Variants in CACNA1E observed in about 807,000 individuals in gnomAD.
CACNA1E encodes the protein voltage-dependent R-type calcium channel subunit alpha-1E.
CACNA1E carries 40 observed loss-of-function variants against 259.2 expected under a neutral mutation model. The ratio of observed to expected loss-of-function variants is 0.15; its 90% confidence interval spans 0.12 to 0.20. The LOEUF is 0.20. Ranked by LOEUF, CACNA1E falls within the 10% of genes least tolerant of loss-of-function variation. CACNA1E has a pLI of 1.00. For synonymous variants in CACNA1E, 1,104 were observed against 1,138.5 expected (o/e 0.97, Z 0.61); for missense variants, 1,874 against 3,040.1 (o/e 0.62, Z 9.02).
intron 3 of CACNA1E, among the ~76,000 whole-genome samples, chr1:181,556,050 T>C (rs1320096576): frequency 2.0e-5 from 3 of 152,248 alleles, no homozygotes; most frequent in Admixed American, 1.3e-4. Flanking sequence ...TCTCTAGCTA[T>C]TGTCACCTCC....
intron 1 of CACNA1E, among the ~76,000 whole-genome samples, chr1:181,488,380 T>C (rs1187292245): frequency 6.6e-6 from 1 of 152,218 alleles, no homozygotes; most frequent in Admixed American, 6.5e-5. Flanking sequence ...GCAGAGGGGT[T>C]CATATCTTCT....
chr1:181,367,050 T>C (rs1654325030), intron 1 of CACNA1E, among the ~76,000 whole-genome samples: 1 of 152,200 alleles, frequency 6.6e-6, no homozygotes, highest in South Asian at 2.1e-4. Context: ...CTTTGGGAGC[T>C]ACCGATGGGT....
chr1:181,429,992 A>G (rs78647652), intron 2 of CACNA1E, among the ~76,000 whole-genome samples: 30 of 152,300 alleles, frequency 2.0e-4, no homozygotes, highest in African/African-American at 7.0e-4. Context: ...CTTTTTCAGG[A>G]GCAAATCCCC....
intron 1 of CACNA1E, among the ~76,000 whole-genome samples, chr1:181,502,077 C>T (rs911766487): frequency 6.6e-6 from 1 of 152,018 alleles, no homozygotes; most frequent in Non-Finnish European, 1.5e-5. Context: ...TGCATGTCTC[C>T]TGCCGTGGTT....
At chr1:181,711,991 T>C (rs956595631) in intron 8 of CACNA1E, among the ~76,000 whole-genome samples, 2 of 152,144 alleles carry the variant, frequency 1.3e-5, no homozygotes, top group Non-Finnish European at 2.9e-5. Flanking sequence ...GCAGAGGGAC[T>C]AGTAGTGCCG....
intron 36 of CACNA1E, 108 bp from the exon 37 acceptor site, chr1:181,771,958 C>T: frequency 1.0e-6 from 1 of 959,540 alleles, no homozygotes; most frequent in South Asian, 1.5e-5. Context: ...AAAAGAGAGC[C>T]TGTTGGGCCC....
At chr1:181,779,351 C>T in intron 38 of CACNA1E, 4 of 301,556 alleles carry the variant, frequency 1.3e-5, no homozygotes, top group Non-Finnish European at 2.9e-5. Context: ...GCTGCTCTGA[C>T]CTCTTTCAGC....
At position 181,732,493 on chromosome 1, in the gene CACNA1E, C is replaced by G; in HGVS notation, c.2407C>G (p.Pro803Ala). The G allele has an allele frequency of 6.4e-7, 1 of 1,551,580 alleles. No individual in the cohort carries two copies. The change falls in exon 20 of 48, where the codon CCG becomes GCG. Residue 803 changes from proline to alanine, a missense_variant. Pro to Ala is a conservative substitution (Grantham distance 27). Transcript: ENST00000367573. This position sits in a 1 kb window ranked among gnomAD's most constrained non-coding sequence, Gnocchi z 5.5. ...GGAGGCCCTCAACAGAGAGGAGGCG[C>G]CGACCATGAACCCGCTCAACCCCCT... ...SQEALNREEAPTMNPLNPLNP... is the reference protein window; with the variant it reads ...SQEALNREEAATMNPLNPLNP...
chr1:181,780,844 G>A lies in CACNA1E; in HGVS notation c.5268-583G>A, dbSNP rs12037428. On this transcript the variant is annotated intron_variant, in intron 38 of 47. Transcript: ENST00000367573. ...CAGCCCACCACCTTCAGTGCAAGAC[G>A]CCGCCTCCTGCTGCACACACACACC... Among the ~76,000 whole-genome samples, 191 of 152,188 alleles carry A rather than the reference G, an allele frequency of 1.3e-3. 1 individual carries two copies. Among genetic ancestry groups the A allele is most frequent in the African/African-American group, 4.5e-3 (186 of 41,520 alleles).
chr1:181,326,979 C>G (rs1650843777), intron 1 of CACNA1E, among the ~76,000 whole-genome samples: 1 of 152,168 alleles, frequency 6.6e-6, no homozygotes, highest in African/African-American at 2.4e-5. Context: ...ATTCCTCAAT[C>G]CCTTTGGGCT....
intron 3 of CACNA1E, among the ~76,000 whole-genome samples, chr1:181,558,773 C>G (rs187803156): frequency 6.6e-6 from 1 of 152,216 alleles, no homozygotes; most frequent in African/African-American, 2.4e-5. Flanking sequence ...AAAGATCACT[C>G]TAGTAATGGT....
At chr1:181,666,105 T>A (rs1648196440) in intron 7 of CACNA1E, among the ~76,000 whole-genome samples, 1 of 152,158 alleles carries the variant, frequency 6.6e-6, no homozygotes, top group South Asian at 2.1e-4. Context: ...TTCATAAAAC[T>A]ATGTCCTGGA....
chr1:181,721,675 A>C, intron 15 of CACNA1E, 83 bp from the exon 16 acceptor site: 1 of 749,602 alleles, frequency 1.3e-6, no homozygotes, highest in Non-Finnish European at 2.3e-6. Flanking sequence ...CAAAAGACCC[A>C]GGCCCAGAAT....
chr1:181,774,125 C>G (rs1180798616), intron 37 of CACNA1E, among the ~76,000 whole-genome samples: 1 of 152,190 alleles, frequency 6.6e-6, no homozygotes, highest in Admixed American at 6.5e-5. Context: ...TTAAACCTGC[C>G]TCACAAAGAG....
chr1:181,460,735 GATGC>G (rs1414386934), intron 2 of CACNA1E, among the ~76,000 whole-genome samples: 1 of 152,170 alleles, frequency 6.6e-6, no homozygotes, highest in Non-Finnish European at 1.5e-5. Context: ...TGCAGAAAGG[GATGC>G]ATGGCTAAAA....
At chr1:181,718,213 G>A (rs1212250825) in intron 12 of CACNA1E, 46 bp downstream of exon 12, 4 of 971,020 alleles carry the variant, frequency 4.1e-6, no homozygotes, top group Non-Finnish European at 6.5e-6. Context: ...GTGTTGATAT[G>A]CCCTGGTTTT....
chr1:181,334,127 C>G (rs534388901), intron 1 of CACNA1E, among the ~76,000 whole-genome samples: 1 of 152,214 alleles, frequency 6.6e-6, no homozygotes, highest in Non-Finnish European at 1.5e-5. Context: ...CTAAATCCAG[C>G]AGTCAACTCT....
intron 6 of CACNA1E, among the ~76,000 whole-genome samples, chr1:181,621,211 G>A (rs1655693661): frequency 6.6e-6 from 1 of 152,234 alleles, no homozygotes. Context: ...AAGGACTTAG[G>A]ACTTTGCCCC....
chr1:181,635,016 G>A (rs750719553), intron 6 of CACNA1E, among the ~76,000 whole-genome samples: 1 of 152,240 alleles, frequency 6.6e-6, no homozygotes, highest in East Asian at 1.9e-4. Flanking sequence ...GTATGACCTG[G>A]CGTTCAGAGG....
Sources: gnomAD v4.1 joint callset for allele counts (sites outside exome capture counted in the v4.1 genomes callset) on GRCh38, gnomAD v4.1.1 for gene constraint, Gnocchi (gnomAD v3.1) non-coding constraint, MANE v1.5 for transcripts, NCBI Gene and HGNC (gene_info 2026-07-23, HGNC 2026-07-21) for gene names.